Variants in CXADR observed in about 807,000 individuals in gnomAD.
The protein encoded by CXADR is CXADR cell adhesion molecule.
In CXADR, 20 loss-of-function variants were observed where a neutral mutation model predicts 40.3. The ratio of observed to expected loss-of-function variants is 0.50; its 90% CI spans 0.35 to 0.72. CXADR has a LOEUF of 0.72. Ranked by LOEUF, CXADR falls within the 30% of genes least tolerant of loss-of-function variation. The pLI is 0.01. For missense variants in CXADR, 332 were observed against 449.1 expected (o/e 0.74, Z 2.36); for synonymous variants, 150 against 161.3 (o/e 0.93, Z 0.53).
At chr21:17,605,049 C>T in the CXADR span, 7,613 of 1,582,242 alleles carry the variant, frequency 4.8e-3, 407 homozygotes, top group East Asian at 0.12. Flanking sequence ...TAATCATAAA[C>T]GCCGTAATAT....
chr21:17,531,559 ACT>A (rs1202707212), intron 1 of CXADR, among the ~76,000 whole-genome samples: 3 of 151,924 alleles, frequency 2.0e-5, no homozygotes, highest in African/African-American at 7.3e-5. Context: ...TGCTCTGTTG[ACT>A]CTGATTTGTT....
chr21:17,549,086 TAGTC>T (rs1436944410), intron 2 of CXADR, among the ~76,000 whole-genome samples: 1 of 152,246 alleles, frequency 6.6e-6, no homozygotes, highest in Non-Finnish European at 1.5e-5. Flanking sequence ...GTGATCTCTT[TAGTC>T]AGCAGTTACT....
chr21:17,598,535 T>C (rs988704714), downstream of CXADR: 13 of 1,175,384 alleles, frequency 1.1e-5, no homozygotes, highest in African/African-American at 1.2e-4. Context: ...TCAGAAACCT[T>C]GGGCAATGCC....
chr21:17,630,912 G>A, the CXADR span, among the ~76,000 whole-genome samples: 1 of 152,094 alleles, frequency 6.6e-6, no homozygotes, highest in South Asian at 2.1e-4. Flanking sequence ...GGAAGGAAGT[G>A]CAGAATTCGA....
chr21:17,598,770 C>T, the CXADR span: 1 of 1,614,138 alleles, frequency 6.2e-7, no homozygotes, highest in Non-Finnish European at 8.5e-7. Context: ...CATCCTTGTT[C>T]TCATCTTTAT....
chr21:17,610,998 T>C, the CXADR span, among the ~76,000 whole-genome samples: 6 of 152,052 alleles, frequency 3.9e-5, no homozygotes, highest in African/African-American at 1.2e-4. Flanking sequence ...CAAATCTTCC[T>C]CCCAGAACCC....
In CXADR at chr21:17,558,255, A is replaced by T. The variant is rs770153162; in HGVS notation, c.416-721A>T. Among the ~76,000 whole-genome samples the T allele has an allele frequency of 8.6e-5, 13 of 151,902 alleles. 1 individual carries two copies. Among genetic ancestry groups the T allele is most frequent in the Non-Finnish European group, 1.6e-4 (11 of 68,000 alleles). ...GTCATCCTCCTACCCCAGCCTCCCA[A>T]GTAGCTACGACCACAGGCACACATC... On this transcript the variant is annotated intron_variant, in intron 3 of 6. Coordinates refer to ENST00000284878, the MANE Select transcript of CXADR (RefSeq NM_001338.5).
At chr21:17,601,808 T>C in the CXADR span, among the ~76,000 whole-genome samples, 1 of 152,120 alleles carries the variant, frequency 6.6e-6, no homozygotes, top group African/African-American at 2.4e-5. Flanking sequence ...TTGAGAAAAA[T>C]TCCTGCCTTT....
intron 1 of CXADR, among the ~76,000 whole-genome samples, chr21:17,542,397 G>A (rs1165422630): frequency 1.3e-5 from 2 of 152,166 alleles, no homozygotes; most frequent in African/African-American, 2.4e-5. Flanking sequence ...CAATCTTATA[G>A]TGGAACCAGA....
At chr21:17,598,491 G>GTTC, downstream of CXADR, 1 of 764,084 alleles carries the variant, frequency 1.3e-6, no homozygotes. Context: ...CCTTAGCATG[G>GTTC]GGAAAGGCAA....
At chr21:17,521,831 A>G (rs960643058) in intron 1 of CXADR, among the ~76,000 whole-genome samples, 2 of 152,128 alleles carry the variant, frequency 1.3e-5, no homozygotes, top group African/African-American at 2.4e-5. Context: ...TGTCCACATC[A>G]TCATTCCACA....
At chr21:17,591,405 G>C (rs1024403802) in intron 7 of CXADR, among the ~76,000 whole-genome samples, 2 of 152,010 alleles carry the variant, frequency 1.3e-5, no homozygotes, top group African/African-American at 4.8e-5. Context: ...GTAGGTGTTT[G>C]TATTTTTCCC....
At chr21:17,563,795 G>A (rs915344029) in intron 6 of CXADR, among the ~76,000 whole-genome samples, 7 of 151,274 alleles carry the variant, frequency 4.6e-5, no homozygotes, top group Admixed American at 1.3e-4. Context: ...CAAAAAATTA[G>A]CCGGGTGCAG....
At chr21:17,597,239 T>C (rs1481757577), downstream of CXADR, among the ~76,000 whole-genome samples, 1 of 152,094 alleles carries the variant, frequency 6.6e-6, no homozygotes, top group African/African-American at 2.4e-5. Context: ...TTAATTTGCT[T>C]GTAAAAAATT....
chr21:17,539,578 T>G (rs1253852494), intron 1 of CXADR, among the ~76,000 whole-genome samples: 1 of 152,234 alleles, frequency 6.6e-6, no homozygotes, highest in African/African-American at 2.4e-5. Context: ...TTTGATGTCA[T>G]TGTCTGTAAT....
chr21:17,622,911 T>C, the CXADR span, among the ~76,000 whole-genome samples: 3 of 152,194 alleles, frequency 2.0e-5, no homozygotes, highest in Admixed American at 6.5e-5. Context: ...AGTCCTTCAA[T>C]ATGGGTGTGT....
downstream of CXADR, among the ~76,000 whole-genome samples, chr21:17,571,797 G>A (rs1383829207): frequency 6.6e-6 from 1 of 152,130 alleles, no homozygotes; most frequent in African/African-American, 2.4e-5. Flanking sequence ...CCAAATTTGG[G>A]ATACTTCTGT....
chr21:17,578,461 G>A (rs1029634926), intron 7 of CXADR, among the ~76,000 whole-genome samples: 1 of 152,234 alleles, frequency 6.6e-6, no homozygotes, highest in African/African-American at 2.4e-5. Flanking sequence ...AAACCCTACT[G>A]TGAAAATGAA....
intron 3 of CXADR, among the ~76,000 whole-genome samples, chr21:17,558,677 A>G (rs2061067847): frequency 6.6e-6 from 1 of 151,914 alleles, no homozygotes; most frequent in South Asian, 2.1e-4. Flanking sequence ...GAAAAAAGCA[A>G]GTGCATCATT....
Sources: allele counts gnomAD v4.1 joint callset (sites outside exome capture counted in the v4.1 genomes callset), GRCh38; gene constraint gnomAD v4.1.1; transcripts MANE v1.5; gene names NCBI Gene and HGNC (gene_info 2026-07-23, HGNC 2026-07-21).